SBK1: variants seen among roughly 807,000 people sequenced by gnomAD.
SBK1 encodes the protein serine/threonine-protein kinase SBK1.
A neutral mutation model predicts 24.4 loss-of-function variants in SBK1; 11 were observed. The ratio of observed to expected loss-of-function variants is 0.45; its 90% CI spans 0.28 to 0.75. The LOEUF is 0.75. Ranked by LOEUF, SBK1 falls within the 30% of genes least tolerant of loss-of-function variation. The pLI is 0.12. For missense variants in SBK1, 467 were observed against 620.5 expected, an observed-to-expected ratio of 0.75 and a Z score of 2.63; for synonymous variants, 308 against 284.4, an observed-to-expected ratio of 1.08 and a Z score of -0.83.
chr16:28,303,507 CTTTTTTTTTTTTTTTT>C (rs143613970), intron 1 of SBK1, among the ~76,000 whole-genome samples: 1 of 58,078 alleles, frequency 1.7e-5, no homozygotes, highest in Non-Finnish European at 3.0e-5. Flanking sequence ...CTTTTCTTTT[CTTTTTTTTTTTTTTTT>C]TTTTTTTTTG....
rs746687957 is a variant in SBK1, at chr16:28,317,360, C to G, written c.-7-25C>G. On this transcript the variant is annotated intron_variant, in intron 1 of 3. Coordinates refer to ENST00000341901, the MANE Select transcript of SBK1 (RefSeq NM_001024401.3). This position sits in a 1 kb window ranked among gnomAD's most constrained non-coding sequence, Gnocchi z 4.2. ...GGGACCCTTGCCTGATGTCACACTTCATGCTCACCACCCCTACCCAACAGG... is the reference window on the plus strand; with the variant it reads ...GGGACCCTTGCCTGATGTCACACTTGATGCTCACCACCCCTACCCAACAGG... The G allele has an allele frequency of 1.3e-6, 2 of 1,581,172 alleles. No homozygotes were observed.
At chr16:28,314,479 T>C (rs1015739070) in intron 1 of SBK1, among the ~76,000 whole-genome samples, 1 of 151,982 alleles carries the variant, frequency 6.6e-6, no homozygotes, top group Non-Finnish European at 1.5e-5. Flanking sequence ...ATTATATCCT[T>C]TGTATAGATG....
intron 1 of SBK1, among the ~76,000 whole-genome samples, chr16:28,301,398 G>A (rs1485276708): frequency 7.9e-5 from 12 of 152,352 alleles, no homozygotes; most frequent in Admixed American, 4.6e-4. Context: ...GAGAAGGGGC[G>A]GACTGTGCAC....
intron 1 of SBK1, among the ~76,000 whole-genome samples, chr16:28,301,516 GT>G (rs1233381567): frequency 1.3e-5 from 2 of 152,230 alleles, no homozygotes; most frequent in Non-Finnish European, 2.9e-5. Context: ...GAATGTCCAA[GT>G]GTCTGCAGCT....
chr16:28,274,852 G>A (rs1314417404), intron 1 of SBK1, among the ~76,000 whole-genome samples: 1 of 152,192 alleles, frequency 6.6e-6, no homozygotes, highest in Non-Finnish European at 1.5e-5. Context: ...GATAGGATGT[G>A]GGAGTGGGTG....
chr16:28,313,971 C>T (rs905212797), intron 1 of SBK1, among the ~76,000 whole-genome samples: 12 of 140,084 alleles, frequency 8.6e-5, no homozygotes, highest in Non-Finnish European at 1.2e-4. Context: ...GCCCGCCCAC[C>T]CTTGCTCAGC....
intron 1 of SBK1, among the ~76,000 whole-genome samples, chr16:28,265,089 A>G (rs998922572): frequency 6.6e-5 from 10 of 151,562 alleles, no homozygotes; most frequent in African/African-American, 2.4e-4. Context: ...AGGGAAACAT[A>G]GGGAGACCCC....
chr16:28,320,696 G>C lies in SBK1; in HGVS notation c.1050G>C (p.Pro350=). 9.1e-7 allele frequency: 1 copy of C among 1,097,164 alleles called. No homozygotes were observed. Among genetic ancestry groups the C allele is most frequent in the Non-Finnish European group, 1.1e-6 (1 of 900,470 alleles). 68.0% of individuals were successfully genotyped at this position (1,097,164 alleles called of 1,614,324 possible). The change falls in exon 4 of 4, where the codon CCG becomes CCC. Residue 350 remains proline, a synonymous_variant. Coordinates refer to ENST00000341901, the MANE Select transcript of SBK1 (RefSeq NM_001024401.3). The surrounding 1 kb of genome is among the most constrained non-coding windows in gnomAD (Gnocchi z 8.5). ...AGPLRLEAPG[P]LKRTVLTESG... is the part of the protein sequence containing the mutation. ...CACTGCGCCTCGAGGCGCCTGGGCCGCTCAAGCGGACGGTGCTGACCGAGA... is the reference window on the plus strand; with the variant it reads ...CACTGCGCCTCGAGGCGCCTGGGCCCCTCAAGCGGACGGTGCTGACCGAGA...
intron 1 of SBK1, among the ~76,000 whole-genome samples, chr16:28,301,586 CG>C (rs1490291359): frequency 3.3e-5 from 5 of 152,178 alleles, no homozygotes; most frequent in Admixed American, 1.3e-4. Flanking sequence ...AGTGGAGGAG[CG>C]GGGTCAGGGG....
chr16:28,305,740 C>A (rs1054817563), intron 1 of SBK1, among the ~76,000 whole-genome samples: 1 of 151,740 alleles, frequency 6.6e-6, no homozygotes, highest in Non-Finnish European at 1.5e-5. Context: ...CATGTTCCAC[C>A]ATGTTGGCCA....
chr16:28,264,158 A>C (rs1309217246), intron 1 of SBK1, among the ~76,000 whole-genome samples: 4 of 152,114 alleles, frequency 2.6e-5, no homozygotes, highest in African/African-American at 7.2e-5. Flanking sequence ...AAAACAAACA[A>C]ACATTGGAGA....
intron 1 of SBK1, among the ~76,000 whole-genome samples, chr16:28,294,805 C>T (rs915680715): frequency 1.3e-5 from 2 of 152,232 alleles, no homozygotes; most frequent in Non-Finnish European, 2.9e-5. Context: ...GGGTAGGGGG[C>T]ACTTGATGCG....
At chr16:28,300,954 G>A (rs2044674691) in intron 1 of SBK1, among the ~76,000 whole-genome samples, 3 of 152,166 alleles carry the variant, frequency 2.0e-5, no homozygotes, top group African/African-American at 4.8e-5. Context: ...AGGAGCTCAG[G>A]GAGGCAAAGG....
intron 1 of SBK1, among the ~76,000 whole-genome samples, chr16:28,296,040 C>A (rs2141577831): frequency 6.7e-6 from 1 of 149,972 alleles, no homozygotes; most frequent in South Asian, 2.1e-4. Flanking sequence ...ATTCTCCTGA[C>A]TCAGTCTCCT....
At chr16:28,287,407 C>T (rs1320100040) in intron 1 of SBK1, among the ~76,000 whole-genome samples, 7 of 150,372 alleles carry the variant, frequency 4.7e-5, no homozygotes, top group African/African-American at 1.5e-4. Context: ...CGAGATTGTG[C>T]CATTGCTCTC....
chr16:28,300,755 C>G (rs569050689), intron 1 of SBK1, among the ~76,000 whole-genome samples: 1 of 152,308 alleles, frequency 6.6e-6, no homozygotes, highest in South Asian at 2.1e-4. Context: ...TTCAGTGGCT[C>G]ATAAATGTTG....
Position 28,287,250 on chromosome 16 carries a change from G to A in SBK1, c.257+27748G>A, listed in dbSNP as rs552205068. ...AAAGTCAGGAGTTTGAGACCAGCCT[G>A]ACCAATATGGTGAAACCCCATCTCT... On this transcript the variant is annotated intron_variant, in intron 1 of 3. Transcript: ENST00000671413. Among the ~76,000 whole-genome samples the A allele has an allele frequency of 7.6e-5, 11 of 145,508 alleles. No individual in the cohort carries two copies. In the South Asian group the frequency reaches 2.2e-3, roughly 29 times the overall value.
intron 1 of SBK1, among the ~76,000 whole-genome samples, chr16:28,312,247 G>A (rs984509133): frequency 2.6e-5 from 4 of 152,208 alleles, no homozygotes; most frequent in South Asian, 4.1e-4. Flanking sequence ...CCAAGGACGC[G>A]CAGGCCCCGG....
chr16:28,287,134 AAAATT>A (rs1459067812), intron 1 of SBK1: 1 of 150,378 alleles, frequency 6.6e-6, no homozygotes, highest in Non-Finnish European at 1.5e-5. Context: ...TAAATAAATA[AAAATT>A]AAATTAAAAA....
Sources: allele counts gnomAD v4.1 joint callset (sites outside exome capture counted in the v4.1 genomes callset), GRCh38; gene constraint gnomAD v4.1.1; non-coding constraint Gnocchi (gnomAD v3.1); transcripts MANE v1.5; gene names NCBI Gene and HGNC (gene_info 2026-07-23, HGNC 2026-07-21).